ARSJ: variants seen among roughly 807,000 people sequenced by gnomAD.
ARSJ encodes arylsulfatase family member J, also known as arylsulfatase J.
In ARSJ, 26 loss-of-function variants were observed where a neutral mutation model predicts 35.9. The observed-to-expected ratio is 0.72, with a 90% CI of 0.53 to 1.00. The LOEUF is 1.00. ARSJ is among the 50% of genes least tolerant of loss of function. The probability of loss-of-function intolerance (pLI) is 0.00; values close to 1 mark genes in which losing one functional copy is unlikely to be tolerated. For missense variants in ARSJ, 667 were observed against 723.6 expected, an observed-to-expected ratio of 0.92 and a Z score of 0.90; for synonymous variants, 294 against 267.6, an observed-to-expected ratio of 1.10 and a Z score of -0.96.
intron 1 of ARSJ, among the ~76,000 whole-genome samples, chr4:113,957,356 C>T (rs986172567): frequency 5.3e-5 from 8 of 151,882 alleles, no homozygotes; most frequent in African/African-American, 1.9e-4. Flanking sequence ...ATTTCAGAGA[C>T]CTCTCCTGAG....
intron 1 of ARSJ, among the ~76,000 whole-genome samples, chr4:113,907,224 A>G (rs1446961477): frequency 6.6e-6 from 1 of 152,268 alleles, no homozygotes; most frequent in Non-Finnish European, 1.5e-5. Context: ...TAAACCGGAT[A>G]GTGAGACTTA....
intron 1 of ARSJ, among the ~76,000 whole-genome samples, chr4:113,920,496 A>G (rs1723599490): frequency 6.6e-6 from 1 of 152,184 alleles, no homozygotes. Context: ...AATTTCTTCT[A>G]TTAAATGAGG....
At position 113,949,502 on chromosome 4, in the gene ARSJ, T is replaced by C. The variant is rs557492338; in HGVS notation, c.398+28935A>G. 5.9e-5 allele frequency among the ~76,000 whole-genome samples: 9 copies of C among 152,028 alleles called. No homozygotes were observed. In the East Asian group the frequency reaches 1.8e-3, roughly 30 times the overall value. ...AAAGGCTCATGGACACAACTTGAGG[T>C]GGTGGACGCTGGACCTTGCCATTTC... is the stretch of plus-strand genomic sequence containing the variant. On this transcript the variant is annotated intron_variant, in intron 1 of 1. Transcript: ENST00000315366.
At chr4:113,925,190 GA>G (rs1723975863) in intron 1 of ARSJ, among the ~76,000 whole-genome samples, 1 of 152,052 alleles carries the variant, frequency 6.6e-6, no homozygotes, top group Non-Finnish European at 1.5e-5. Context: ...AAGGTAGGAG[GA>G]ACCCAAAGTG....
intron 1 of ARSJ, among the ~76,000 whole-genome samples, chr4:113,961,975 G>A (rs1165297336): frequency 6.6e-6 from 1 of 151,480 alleles, no homozygotes; most frequent in African/African-American, 2.4e-5. Flanking sequence ...TCAATAGTCT[G>A]AAGTAGCAAC....
chr4:113,938,686 C>A (rs974959036), intron 1 of ARSJ, among the ~76,000 whole-genome samples: 2 of 151,364 alleles, frequency 1.3e-5, no homozygotes, highest in African/African-American at 4.8e-5. Context: ...GATTACAGAC[C>A]TATCCAGAAT....
intron 1 of ARSJ, among the ~76,000 whole-genome samples, chr4:113,911,015 T>C (rs2099670282): frequency 6.6e-6 from 1 of 152,090 alleles, no homozygotes; most frequent in African/African-American, 2.4e-5. Context: ...TGAAAGCAGG[T>C]AGTGCAAGCA....
intron 1 of ARSJ, among the ~76,000 whole-genome samples, chr4:113,940,232 A>T (rs1350539332): frequency 1.3e-5 from 2 of 152,196 alleles, no homozygotes; most frequent in Non-Finnish European, 2.9e-5. Flanking sequence ...AACACATGGA[A>T]TCAACCCAAA....
chr4:113,972,247 G>A (rs1226368236), intron 1 of ARSJ, among the ~76,000 whole-genome samples: 2 of 128,178 alleles, frequency 1.6e-5, no homozygotes, highest in African/African-American at 3.0e-5. Flanking sequence ...CCAGGAAGAG[G>A]CTATAATTAA....
chr4:113,912,731 G>A lies in ARSJ; in HGVS notation c.399-9056C>T, dbSNP rs1723003556. On this transcript the variant is annotated intron_variant, in intron 1 of 1. Transcript: ENST00000315366. ...CACATCAATTGTTGAATGAATAAAT[G>A]AGAATGTGTGTGTGTGTGTGTGTGT... Among the ~76,000 whole-genome samples the A allele has an allele frequency of 3.1e-5, 3 of 97,310 alleles. No homozygotes were observed. The South Asian group carries it at 1.2e-3, about 40-fold the overall frequency. 63.8% of individuals were successfully genotyped at this position (97,310 alleles called of 152,430 possible). A position where few individuals can be genotyped will look rare whatever the true frequency, so the allele number is the denominator to read the frequency against.
rs1368061137 is a variant in ARSJ, at chr4:113,906,827, T to C, written c.399-3152A>G. 7 of 441,554 alleles carry C rather than the reference T, an allele frequency of 1.6e-5. No individual in the cohort carries two copies. In the Admixed American group the frequency reaches 1.7e-4, roughly 11 times the overall value. 27.4% of individuals were successfully genotyped at this position (441,554 alleles called of 1,614,324 possible). On this transcript the variant is annotated intron_variant, in intron 1 of 1. Coordinates refer to ENST00000315366, the MANE Select transcript of ARSJ (RefSeq NM_024590.4). ...GAGTCTAGTAAGGAAGGTATATTTA[T>C]TCAGCGATAGCTTTAACAATTATCC...
intron 1 of ARSJ, among the ~76,000 whole-genome samples, chr4:113,921,117 A>ACACACTCT (rs70961862): frequency 6.7e-6 from 1 of 149,296 alleles, no homozygotes; most frequent in South Asian, 2.1e-4. Flanking sequence ...ACACACACAC[A>ACACACTCT]CTTTAAATAA....
chr4:113,948,651 T>C (rs1725656828), intron 1 of ARSJ, among the ~76,000 whole-genome samples: 1 of 152,160 alleles, frequency 6.6e-6, no homozygotes, highest in Non-Finnish European at 1.5e-5. Context: ...ATTTTAGCTA[T>C]ATGTATATGT....
intron 1 of ARSJ, among the ~76,000 whole-genome samples, chr4:113,933,920 C>T (rs192459292): frequency 2.5e-4 from 38 of 151,732 alleles, no homozygotes; most frequent in Middle Eastern, 3.4e-3. Flanking sequence ...GAAAGAAAAG[C>T]GATCCAAATT....
intron 1 of ARSJ, among the ~76,000 whole-genome samples, chr4:113,945,437 C>T (rs1725417211): frequency 6.6e-6 from 1 of 151,982 alleles, no homozygotes; most frequent in Admixed American, 6.6e-5. Context: ...CATACGTGGC[C>T]CTTTTGTGGT....
At chr4:113,908,565 A>T (rs2099669467) in intron 1 of ARSJ, among the ~76,000 whole-genome samples, 1 of 133,954 alleles carries the variant, frequency 7.5e-6, no homozygotes, top group Admixed American at 7.9e-5. Flanking sequence ...GAGACAAATG[A>T]GAGCTATAGT....
intron 1 of ARSJ, among the ~76,000 whole-genome samples, chr4:113,940,025 A>C (rs891853287): frequency 2.8e-4 from 42 of 152,144 alleles, no homozygotes; most frequent in Middle Eastern, 6.8e-3. Flanking sequence ...AAATAAGAAC[A>C]CTTACACTGC....
chr4:113,978,822 C>T lies in ARSJ; in HGVS notation c.13G>A (p.Gly5Ser). 6.2e-7 allele frequency: 1 copy of T among 1,601,172 alleles called. No homozygotes were observed. Among genetic ancestry groups the T allele is most frequent in the Non-Finnish European group, 8.5e-7 (1 of 1,174,558 alleles). ...GGCGGAGGCGGATGCCCCGCACAGC[C>T]CCTGGGAGCCATTCACTCAGGTCCC... MAPR[G>S]CAGHPPPPSP... is the part of the protein sequence containing the mutation. Residue 5 changes from glycine to serine, a missense_variant, in exon 1 of 2, where the codon GGC (glycine) becomes AGC (serine). Physicochemically the swap from Gly to Ser is moderately conservative, Grantham distance 56. Transcript: ENST00000315366.
intron 1 of ARSJ, among the ~76,000 whole-genome samples, chr4:113,961,418 T>C (rs900014464): frequency 3.3e-5 from 5 of 152,056 alleles, no homozygotes; most frequent in Non-Finnish European, 7.4e-5. Flanking sequence ...CAGATGGAGG[T>C]TGGACGTTTT....
Sources: allele counts gnomAD v4.1 joint callset (sites outside exome capture counted in the v4.1 genomes callset), GRCh38; gene constraint gnomAD v4.1.1; transcripts MANE v1.5; gene names NCBI Gene and HGNC (gene_info 2026-07-23, HGNC 2026-07-21).